GMDS: variants seen among roughly 807,000 people sequenced by gnomAD.
The protein encoded by GMDS is GDP-mannose 4,6-dehydratase, also known as GDP-mannose 4,6 dehydratase.
Under a neutral mutation model 49.9 loss-of-function variants are expected in GMDS, and 20 were observed. The observed-to-expected ratio is 0.40, with a 90% CI of 0.28 to 0.58. GMDS has a LOEUF of 0.58. GMDS is among the 20% of genes least tolerant of loss of function. The pLI is 0.42. For synonymous variants in GMDS, 177 were observed against 178.6 expected, an observed-to-expected ratio of 0.99 and a Z score of 0.07; for missense variants, 362 against 481.4, an observed-to-expected ratio of 0.75 and a Z score of 2.32.
intron 9 of GMDS, among the ~76,000 whole-genome samples, chr6:1,715,630 A>C (rs960286397): frequency 6.6e-6 from 1 of 152,204 alleles, no homozygotes; most frequent in Non-Finnish European, 1.5e-5. Flanking sequence ...GCCTATTGAG[A>C]TCAGTGGGAA....
chr6:2,238,563 T>A (rs1470633106), intron 1 of GMDS, among the ~76,000 whole-genome samples: 1 of 152,174 alleles, frequency 6.6e-6, no homozygotes, highest in African/African-American at 2.4e-5. Context: ...CCTTCTCTCA[T>A]TCCTTCCCAC....
In GMDS at chr6:1,651,056, C is replaced by T. The variant is rs865898247; in HGVS notation, c.988-26516G>A. Among the ~76,000 whole-genome samples, 5 of 152,326 alleles carry T rather than the reference C, an allele frequency of 3.3e-5. No individual in the cohort carries two copies. In the Middle Eastern group the frequency reaches 0.01, roughly 311 times the overall value. On this transcript the variant is annotated intron_variant, in intron 9 of 10. Coordinates refer to ENST00000380815, the MANE Select transcript of GMDS (RefSeq NM_001500.4). ...CAGTGAAGATTGGTGAGTGGTTTTCCTGGGCCCTGCATGGGAGGAAAATTA... is the reference window on the plus strand; with the variant it reads ...CAGTGAAGATTGGTGAGTGGTTTTCTTGGGCCCTGCATGGGAGGAAAATTA...
chr6:1,657,527 GC>G (rs1229740240), intron 9 of GMDS, among the ~76,000 whole-genome samples: 3 of 152,166 alleles, frequency 2.0e-5, no homozygotes, highest in Non-Finnish European at 4.4e-5. Context: ...GCATTGACTA[GC>G]CTAGGAATGC....
At chr6:1,738,943 C>T (rs187158119) in intron 8 of GMDS, among the ~76,000 whole-genome samples, 184 of 152,260 alleles carry the variant, frequency 1.2e-3, no homozygotes, top group Non-Finnish European at 2.1e-3. Context: ...ATGAAATCTG[C>T]GGAAATCAGG....
chr6:1,696,575 T>C lies in GMDS; in HGVS notation c.987+29841A>G, dbSNP rs548297045. Among the ~76,000 whole-genome samples the C allele has an allele frequency of 7.5e-4, 114 of 152,336 alleles. 1 individual carries two copies. The highest frequency in any genetic ancestry group is 2.5e-3 in the African/African-American group (103 of 41,580). ...CTTTCACACGTTACTGACAGCTTCATAGACATCATTTCTATTTCTCCTCAA... is the reference window on the plus strand; with the variant it reads ...CTTTCACACGTTACTGACAGCTTCACAGACATCATTTCTATTTCTCCTCAA... On this transcript the variant is annotated intron_variant, in intron 9 of 10. Coordinates refer to ENST00000380815, the MANE Select transcript of GMDS (RefSeq NM_001500.4).
At chr6:1,882,677 C>A (rs1759418955) in intron 7 of GMDS, among the ~76,000 whole-genome samples, 1 of 152,164 alleles carries the variant, frequency 6.6e-6, no homozygotes, top group African/African-American at 2.4e-5. Context: ...GCAAAAGGAT[C>A]CAAACACAAT....
intron 4 of GMDS, among the ~76,000 whole-genome samples, chr6:2,085,356 T>TA (rs376361831): frequency 2.6e-5 from 4 of 152,094 alleles, no homozygotes; most frequent in African/African-American, 4.8e-5. Flanking sequence ...TTAGGCTAAA[T>TA]AAAAAAATCG....
chr6:2,083,148 G>T (rs1772810872), intron 4 of GMDS, among the ~76,000 whole-genome samples: 1 of 152,160 alleles, frequency 6.6e-6, no homozygotes, highest in Non-Finnish European at 1.5e-5. Context: ...CAGACAGTGG[G>T]ATTAGAAACA....
At chr6:2,136,906 C>CAAAA (rs3049649) in intron 1 of GMDS, among the ~76,000 whole-genome samples, 34 of 127,840 alleles carry the variant, frequency 2.7e-4, no homozygotes, top group East Asian at 4.5e-4. Flanking sequence ...TCATTTCAAA[C>CAAAA]AAAAAAAAAA....
intron 7 of GMDS, among the ~76,000 whole-genome samples, chr6:1,821,116 A>G (rs1486508843): frequency 6.6e-6 from 1 of 152,238 alleles, no homozygotes; most frequent in African/African-American, 2.4e-5. Context: ...CCCAGAGTGA[A>G]AGGATATTTT....
chr6:2,093,175 C>T (rs932872853), intron 4 of GMDS, among the ~76,000 whole-genome samples: 6 of 152,126 alleles, frequency 3.9e-5, no homozygotes, highest in Admixed American at 2.0e-4. Flanking sequence ...TAAGTCCAAA[C>T]ATATTTACCT....
chr6:1,893,103 A>G (rs1260276582), intron 7 of GMDS, among the ~76,000 whole-genome samples: 1 of 152,002 alleles, frequency 6.6e-6, no homozygotes, highest in Non-Finnish European at 1.5e-5. Context: ...CCTGACCTCA[A>G]TTTAAGAGAG....
chr6:1,938,255 C>T (rs186094518), intron 6 of GMDS, among the ~76,000 whole-genome samples: 1 of 152,172 alleles, frequency 6.6e-6, no homozygotes, highest in Non-Finnish European at 1.5e-5. Context: ...GGGGAATATA[C>T]ATCTTCTTAT....
rs550667774 is a variant in GMDS at position 2,077,477 on chromosome 6, G to GT, written c.345+38293dup. Among the ~76,000 whole-genome samples, 17 of 152,126 alleles carry GT rather than the reference G, an allele frequency of 1.1e-4. No individual in the cohort carries two copies. The South Asian group carries it at 2.3e-3, about 20-fold the overall frequency. ...TTCTTCTATGCCATATTTGCTGAGA[G>GT]TTTTTTATCATGAAGGGATGCTGAA... On this transcript the variant is annotated intron_variant, in intron 4 of 10. Transcript: ENST00000380815.
chr6:1,915,848 A>AAAATTTTC (rs1761359261), intron 7 of GMDS, among the ~76,000 whole-genome samples: 2 of 152,204 alleles, frequency 1.3e-5, no homozygotes, highest in South Asian at 4.1e-4. Context: ...AGTACGCAAT[A>AAAATTTTC]AGGTTTTGAA....
chr6:1,914,131 G>GTTTTTTTTTTTT (rs563808537), intron 7 of GMDS, among the ~76,000 whole-genome samples: 4 of 77,834 alleles, frequency 5.1e-5, no homozygotes, highest in Admixed American at 1.6e-4. Context: ...TTTTTTGTTT[G>GTTTTTTTTTTTT]TTTTTTTTTT....
At chr6:1,989,168 A>G (rs148559191) in intron 4 of GMDS, among the ~76,000 whole-genome samples, 15 of 152,386 alleles carry the variant, frequency 9.8e-5, no homozygotes, top group Admixed American at 8.5e-4. Context: ...ACAAGTTACA[A>G]TCTGGTGGTT....
At position 2,215,252 on chromosome 6, in the gene GMDS, C is replaced by G. The variant is rs79522156; in HGVS notation, c.102+30069G>C. ...AGATAGAGACACAGAGAAAAAGAGA[C>G]AGAGAGAGGATGTTATTAGTCCGTT... On this transcript the variant is annotated intron_variant, in intron 1 of 10. Transcript: ENST00000380815. 9.0e-3 allele frequency among the ~76,000 whole-genome samples: 1,372 copies of G among 151,954 alleles called. 22 individuals carry two copies. The highest frequency in any genetic ancestry group is 0.031 in the African/African-American group (1,299 of 41,434).
chr6:1,861,081 T>C (rs1248747145), intron 7 of GMDS, among the ~76,000 whole-genome samples: 2 of 152,230 alleles, frequency 1.3e-5, no homozygotes, highest in African/African-American at 2.4e-5. Context: ...TGCCTTCCAG[T>C]TAGTGCACTG....
Sources: gnomAD v4.1 joint callset for allele counts (sites outside exome capture counted in the v4.1 genomes callset) on GRCh38, gnomAD v4.1.1 for gene constraint, MANE v1.5 for transcripts, NCBI Gene and HGNC (gene_info 2026-07-23, HGNC 2026-07-21) for gene names.